ACO1: variants seen among roughly 807,000 people sequenced by gnomAD.
ACO1 encodes cytoplasmic aconitate hydratase.
A neutral mutation model predicts 105.1 loss-of-function variants in ACO1; 78 were observed. The ratio of observed to expected loss-of-function variants is 0.74; its 90% CI spans 0.62 to 0.90. The LOEUF (loss-of-function observed/expected upper bound fraction) is 0.90, where lower values mean the gene tolerates loss of function less well. ACO1 is among the 40% of genes least tolerant of loss of function. The pLI, the probability that ACO1 is intolerant of heterozygous loss-of-function variation, is 0.00. For synonymous variants in ACO1, 364 were observed against 397.4 expected (o/e 0.92, Z 1.00); for missense variants, 965 against 1,111.1 (o/e 0.87, Z 1.87).
At chr9:32,400,486 C>G (rs1330413293) in intron 1 of ACO1, among the ~76,000 whole-genome samples, 1 of 152,144 alleles carries the variant, frequency 6.6e-6, no homozygotes, top group African/African-American at 2.4e-5. Context: ...CTTCACAGCT[C>G]TTTCTCTCTG....
intron 1 of ACO1, among the ~76,000 whole-genome samples, chr9:32,404,962 A>C (rs1345582612): frequency 6.6e-6 from 1 of 152,250 alleles, no homozygotes; most frequent in African/African-American, 2.4e-5. Flanking sequence ...CTTTATAAAC[A>C]CAGTTACGGT....
At chr9:32,393,228 GT>G (rs1821303623) in intron 1 of ACO1, among the ~76,000 whole-genome samples, 1 of 152,168 alleles carries the variant, frequency 6.6e-6, no homozygotes, top group African/African-American at 2.4e-5. Flanking sequence ...TCGCTGAATT[GT>G]TTTTCTCAGC....
rs1285193825 is a variant in ACO1, at chr9:32,439,739, T to C, written c.2248-726T>C. Reference sequence around the variant, plus strand: ...CACTTTATATAATTTCAGAACATGTTACCTTCTTTGTGTTTTGCTAATTTT... The same window carrying C: ...CACTTTATATAATTTCAGAACATGTCACCTTCTTTGTGTTTTGCTAATTTT... On this transcript the variant is annotated intron_variant, in intron 18 of 20. Coordinates refer to ENST00000309951, the MANE Select transcript of ACO1 (RefSeq NM_002197.3). This position sits in a 1 kb window ranked among gnomAD's most constrained non-coding sequence, Gnocchi z 4.0. 1.3e-5 allele frequency among the ~76,000 whole-genome samples: 2 copies of C among 152,258 alleles called. No individual in the cohort carries two copies. Among genetic ancestry groups the C allele is most frequent in the Non-Finnish European group, 2.9e-5 (2 of 68,034 alleles).
rs367887952 is a variant in ACO1, at chr9:32,449,026, G to A, written c.2501G>A (p.Arg834Gln). Residue 834 changes from arginine (R) to glutamine (Q), a missense_variant, in exon 20 of 21, where the codon CGA becomes CAA. By Grantham distance (43) the Arg-to-Gln change is conservative. Coordinates refer to ENST00000309951, the MANE Select transcript of ACO1 (RefSeq NM_002197.3). ...ADALGLTGQE[R>Q]YTIIIPENLK... is the part of the protein sequence containing the mutation. ...GCCCTGGGGCTCACAGGGCAAGAAC[G>A]ATACACTATCATTATTCCAGAAAAC... 3.3e-5 allele frequency: 54 copies of A among 1,613,454 alleles called. No individual in the cohort carries two copies. The highest frequency in any genetic ancestry group is 6.7e-5 in the East Asian group (3 of 44,848).
intron 1 of ACO1, among the ~76,000 whole-genome samples, chr9:32,394,841 G>A (rs1212860238): frequency 6.6e-6 from 1 of 152,170 alleles, no homozygotes; most frequent in Non-Finnish European, 1.5e-5. Flanking sequence ...TTATTAGCAT[G>A]AGTCATAATC....
At chr9:32,414,301 A>G (rs984037288) in intron 4 of ACO1, among the ~76,000 whole-genome samples, 2 of 152,242 alleles carry the variant, frequency 1.3e-5, no homozygotes, top group Non-Finnish European at 2.9e-5. Context: ...AAATGAACTA[A>G]GAAATTTCCT....
At chr9:32,390,136 T>A (rs1460772020) in intron 1 of ACO1, among the ~76,000 whole-genome samples, 1 of 152,210 alleles carries the variant, frequency 6.6e-6, no homozygotes, top group East Asian at 1.9e-4. Flanking sequence ...CTCTTTTTCT[T>A]TCTGGCAAGA....
At chr9:32,409,529 C>G (rs1425267495) in intron 4 of ACO1, among the ~76,000 whole-genome samples, 1 of 152,160 alleles carries the variant, frequency 6.6e-6, no homozygotes, top group Non-Finnish European at 1.5e-5. Flanking sequence ...ATCCCCACAT[C>G]CTTAGCATCC....
chr9:32,399,344 G>C (rs1411547849), intron 1 of ACO1, among the ~76,000 whole-genome samples: 1 of 152,208 alleles, frequency 6.6e-6, no homozygotes, highest in Non-Finnish European at 1.5e-5. Flanking sequence ...CAGATGGAAA[G>C]TTACTCAATT....
intron 17 of ACO1, among the ~76,000 whole-genome samples, chr9:32,434,977 C>T (rs1400057711): frequency 6.6e-6 from 1 of 152,262 alleles, no homozygotes; most frequent in Non-Finnish European, 1.5e-5. Context: ...TCCCTGCCCC[C>T]GGCTTGGCTG....
At chr9:32,448,358 G>C (rs1822668652) in intron 19 of ACO1, among the ~76,000 whole-genome samples, 1 of 152,208 alleles carries the variant, frequency 6.6e-6, no homozygotes, top group South Asian at 2.1e-4. Context: ...CTCAGCAATG[G>C]CCGATGCCCC....
chr9:32,417,697 C>T (rs1190501854), intron 4 of ACO1, among the ~76,000 whole-genome samples: 1 of 152,138 alleles, frequency 6.6e-6, no homozygotes, highest in Non-Finnish European at 1.5e-5. Context: ...TGTCTCCCAA[C>T]ATAAAGAGAT....
intron 1 of ACO1, among the ~76,000 whole-genome samples, chr9:32,386,991 T>TA (rs1360163698): frequency 3.3e-5 from 5 of 152,164 alleles, no homozygotes; most frequent in Non-Finnish European, 5.9e-5. Flanking sequence ...TGAAGAGCAG[T>TA]ACCCCCTACC....
At chr9:32,426,528 A>G (rs1381994846) in intron 11 of ACO1, among the ~76,000 whole-genome samples, 1 of 152,100 alleles carries the variant, frequency 6.6e-6, no homozygotes, top group Non-Finnish European at 1.5e-5. Context: ...GTCATCCCCA[A>G]AGCTCCTCTT....
intron 12 of ACO1, among the ~76,000 whole-genome samples, chr9:32,429,144 G>C (rs925930950): frequency 6.6e-6 from 1 of 152,124 alleles, no homozygotes; most frequent in African/African-American, 2.4e-5. Flanking sequence ...AATAATAGTA[G>C]TTAATGAAGA....
At position 32,399,966 on chromosome 9, in the gene ACO1, G is replaced by GTTTTTTTTTTTTTTTTTT. The variant is rs57615512; in HGVS notation, c.-22-5514_-22-5497dup. On this transcript the variant is annotated intron_variant, in intron 1 of 20. Transcript: ENST00000309951. ...ATTTCTTTTATTTTTTTCTTTTTCTGTTTTTTTTTTTTTTTTTTTTTTGCG... is the reference window on the plus strand; with the variant it reads ...ATTTCTTTTATTTTTTTCTTTTTCTGTTTTTTTTTTTTTTTTTTTTTTTTTTTTTTTTTTTTTTTTGCG... Among the ~76,000 whole-genome samples, 8 of 69,842 alleles carry GTTTTTTTTTTTTTTTTTT rather than the reference G, an allele frequency of 1.1e-4. 1 individual carries two copies. Among genetic ancestry groups the GTTTTTTTTTTTTTTTTTT allele is most frequent in the African/African-American group, 3.1e-4 (5 of 16,312 alleles). The allele number at this position is 69,842 out of a possible 152,430, so 45.8% of individuals were successfully genotyped here.
At chr9:32,409,573 A>G (rs10813811) in intron 4 of ACO1, among the ~76,000 whole-genome samples, 2 of 152,126 alleles carry the variant, frequency 1.3e-5, no homozygotes, top group Non-Finnish European at 1.5e-5. Context: ...TTCGTTGGCC[A>G]CGTGCAGTGG....
intron 1 of ACO1, among the ~76,000 whole-genome samples, chr9:32,387,090 G>C (rs1821170877): frequency 6.6e-6 from 1 of 152,128 alleles, no homozygotes; most frequent in African/African-American, 2.4e-5. Context: ...CCACGTGCCT[G>C]GCAAAGAACT....
At position 32,418,337 on chromosome 9, in the gene ACO1, C is replaced by T; in HGVS notation, c.484C>T (p.Gln162Ter). Residue 162 changes from glutamine (Q) to a stop codon, truncating the protein, a stop_gained, in exon 6 of 21, where the codon CAG becomes TAG. Coordinates refer to ENST00000309951, the MANE Select transcript of ACO1 (RefSeq NM_002197.3). LOFTEE classifies it high-confidence loss of function. Reference sequence around the variant, plus strand: ...CATTTGTCAATCCCAGTGGGGTTCCCAGGCTTTTCACAACATGCGGATTAT... The same window carrying T: ...CATTTGTCAATCCCAGTGGGGTTCCTAGGCTTTTCACAACATGCGGATTAT... ...ERFEFLKWGSQAFHNMRIIPP... is the reference protein window; with the variant it reads ...ERFEFLKWGS The T allele has an allele frequency of 6.2e-7, 1 of 1,614,126 alleles. No individual in the cohort carries two copies. The highest frequency in any genetic ancestry group is 8.5e-7 in the Non-Finnish European group (1 of 1,180,004).
Sources: gnomAD v4.1 joint callset for allele counts (sites outside exome capture counted in the v4.1 genomes callset) on GRCh38, gnomAD v4.1.1 for gene constraint, Gnocchi (gnomAD v3.1) non-coding constraint, MANE v1.5 for transcripts, NCBI Gene and HGNC (gene_info 2026-07-23, HGNC 2026-07-21) for gene names.